Variants in MYBL1 observed in about 807,000 individuals in gnomAD.
The protein encoded by MYBL1 is myb-related protein A.
A neutral mutation model predicts 96.3 loss-of-function variants in MYBL1; 17 were observed. That is an observed-to-expected ratio of 0.18 (90% CI 0.12 to 0.26). MYBL1 has a LOEUF of 0.26. Among genes scored for constraint, MYBL1 ranks in the 10% least tolerant of loss-of-function variants. MYBL1 has a pLI of 1.00. For missense variants in MYBL1, 701 were observed against 882.9 expected (o/e 0.79, Z 2.61); for synonymous variants, 282 against 292.7 (o/e 0.96, Z 0.37).
chr8:66,570,278 T>C (rs1808674495), intron 12 of MYBL1, among the ~76,000 whole-genome samples: 1 of 152,036 alleles, frequency 6.6e-6, no homozygotes. Context: ...CTTTAGGTAT[T>C]TGAAACCTAT....
intron 6 of MYBL1, among the ~76,000 whole-genome samples, chr8:66,594,084 T>G (rs1021911068): frequency 5.9e-5 from 9 of 151,910 alleles, no homozygotes; most frequent in Admixed American, 1.3e-4. Flanking sequence ...TGCAGCGAGC[T>G]GTGTGCGCAC....
chr8:66,585,742 C>CA (rs1391709236), intron 8 of MYBL1, among the ~76,000 whole-genome samples: 1 of 151,446 alleles, frequency 6.6e-6, no homozygotes, highest in African/African-American at 2.4e-5. Flanking sequence ...AGCTTTGTCT[C>CA]AAAAAAAGAA....
At chr8:66,601,541 C>T (rs907535753) in intron 3 of MYBL1, among the ~76,000 whole-genome samples, 157 bp downstream of exon 3, 1 of 152,094 alleles carries the variant, frequency 6.6e-6, no homozygotes, top group African/African-American at 2.4e-5. Flanking sequence ...ACTCTCCAAG[C>T]CATTAGCAAC....
chr8:66,595,517 C>T, intron 6 of MYBL1, 66 bp downstream of exon 6: 3 of 1,051,666 alleles, frequency 2.9e-6, no homozygotes, highest in East Asian at 6.1e-5. Flanking sequence ...ATTAAGAAAC[C>T]AAACATCTTC....
intron 8 of MYBL1, among the ~76,000 whole-genome samples, chr8:66,583,851 C>A (rs1370589088): frequency 6.6e-6 from 1 of 152,046 alleles, no homozygotes; most frequent in Non-Finnish European, 1.5e-5. Context: ...AGCCCAGGAC[C>A]CAATGGCTTC....
chr8:66,594,252 T>C (rs927633365), intron 6 of MYBL1, among the ~76,000 whole-genome samples: 3 of 152,150 alleles, frequency 2.0e-5, no homozygotes, highest in African/African-American at 7.2e-5. Context: ...ACTTCTAACA[T>C]AGAGCTTAAC....
At chr8:66,599,677 G>A (rs1453084462) in intron 3 of MYBL1, among the ~76,000 whole-genome samples, 1 of 152,100 alleles carries the variant, frequency 6.6e-6, no homozygotes, top group Non-Finnish European at 1.5e-5. Context: ...GTGCATGCCT[G>A]TAATCCCAGC....
At chr8:66,598,345 C>T (rs894202545) in intron 4 of MYBL1, among the ~76,000 whole-genome samples, 1 of 152,120 alleles carries the variant, frequency 6.6e-6, no homozygotes, top group East Asian at 1.9e-4. Flanking sequence ...GGGCAGATTG[C>T]TTGAGCCCAG....
chr8:66,591,947 T>G (rs1809662426), intron 8 of MYBL1, among the ~76,000 whole-genome samples: 1 of 152,108 alleles, frequency 6.6e-6, no homozygotes, highest in Admixed American at 6.6e-5. Flanking sequence ...TTGTAAATTA[T>G]GCTCAAAGAA....
intron 12 of MYBL1, among the ~76,000 whole-genome samples, chr8:66,569,139 C>A (rs1052646355): frequency 6.6e-6 from 1 of 152,124 alleles, no homozygotes; most frequent in Non-Finnish European, 1.5e-5. Flanking sequence ...CCAGTGTGTG[C>A]TGTTCCTCTC....
intron 8 of MYBL1, among the ~76,000 whole-genome samples, chr8:66,586,989 T>C (rs554894884): frequency 1.3e-5 from 2 of 152,080 alleles, no homozygotes; most frequent in African/African-American, 4.8e-5. Flanking sequence ...GCTAAAAAAG[T>C]AGATCTCATA....
At chr8:66,611,520 T>G (rs1281240994) in intron 1 of MYBL1, among the ~76,000 whole-genome samples, 2 of 152,044 alleles carry the variant, frequency 1.3e-5, no homozygotes, top group East Asian at 3.9e-4. Flanking sequence ...GGAAGTGGAG[T>G]GTTACTATCT....
chr8:66,568,169 C>T (rs1267231595), intron 12 of MYBL1, among the ~76,000 whole-genome samples: 1 of 151,842 alleles, frequency 6.6e-6, no homozygotes, highest in African/African-American at 2.4e-5. Flanking sequence ...ACAGCACTTA[C>T]AAAAACTTTT....
chr8:66,581,951 C>CA (rs1809227901), intron 8 of MYBL1, among the ~76,000 whole-genome samples: 1 of 151,848 alleles, frequency 6.6e-6, no homozygotes, highest in Non-Finnish European at 1.5e-5. Context: ...AAGAAGTGCT[C>CA]AAAAAAGTCC....
At chr8:66,571,432 C>T (rs1310589345) in intron 12 of MYBL1, among the ~76,000 whole-genome samples, 1 of 152,192 alleles carries the variant, frequency 6.6e-6, no homozygotes, top group Non-Finnish European at 1.5e-5. Flanking sequence ...GAAAAGGAAA[C>T]TGAGCCTTTT....
At position 66,604,251 on chromosome 8, in the gene MYBL1, G is replaced by A. The variant is rs574829809; in HGVS notation, c.21-1728C>T. 2.6e-5 allele frequency among the ~76,000 whole-genome samples: 4 copies of A among 152,208 alleles called. No homozygotes were observed. In the East Asian group the frequency reaches 7.7e-4, roughly 29 times the overall value. ...CCATTTTTTAAAATTAAGATGGGCT[G>A]GGCGTGGACACCTGTAATCCCAGCA... On this transcript the variant is annotated intron_variant, in intron 1 of 15. Transcript: ENST00000522677.
intron 1 of MYBL1, among the ~76,000 whole-genome samples, chr8:66,603,940 G>C (rs141840225): frequency 9.9e-5 from 15 of 150,788 alleles, no homozygotes; most frequent in Middle Eastern, 3.4e-3. Context: ...GAGGCAACTA[G>C]ACAAGCTGAA....
intron 1 of MYBL1, among the ~76,000 whole-genome samples, chr8:66,608,257 A>G (rs1158279942): frequency 6.6e-6 from 1 of 152,068 alleles, no homozygotes; most frequent in East Asian, 1.9e-4. Flanking sequence ...TTCATTCTCT[A>G]TTTTGCATTT....
intron 8 of MYBL1, among the ~76,000 whole-genome samples, chr8:66,582,590 T>C (rs1429796723): frequency 7.2e-6 from 1 of 139,270 alleles, no homozygotes; most frequent in Non-Finnish European, 1.5e-5. Context: ...TGGCAGCACA[T>C]GCCTGTGGTC....
Sources: allele counts gnomAD v4.1 joint callset (sites outside exome capture counted in the v4.1 genomes callset), GRCh38; gene constraint gnomAD v4.1.1; transcripts MANE v1.5; gene names NCBI Gene and HGNC (gene_info 2026-07-23, HGNC 2026-07-21).